CAPS2: variants seen among roughly 807,000 people sequenced by gnomAD.
CAPS2 encodes calcyphosin-2.
A neutral mutation model predicts 86.5 loss-of-function variants in CAPS2; 98 were observed. The observed-to-expected ratio is 1.13, with a 90% CI of 0.96 to 1.34. The LOEUF (loss-of-function observed/expected upper bound fraction) is 1.34. Among genes scored for constraint, CAPS2 ranks in the 40% most tolerant of loss-of-function variants. The probability of loss-of-function intolerance (pLI) is 0.00; values close to 1 mark genes in which losing one functional copy is unlikely to be tolerated. For synonymous variants in CAPS2, 210 were observed against 225.1 expected, an observed-to-expected ratio of 0.93 and a Z score of 0.60; for missense variants, 729 against 686.8, an observed-to-expected ratio of 1.06 and a Z score of -0.69.
At chr12:75,358,291 C>T (rs1407441574) in intron 1 of CAPS2, among the ~76,000 whole-genome samples, 1 of 151,650 alleles carries the variant, frequency 6.6e-6, no homozygotes, top group Non-Finnish European at 1.5e-5. Flanking sequence ...AAGTATAGAG[C>T]AATATCCCTC....
intron 1 of CAPS2, among the ~76,000 whole-genome samples, chr12:75,370,913 A>G (rs1349437189): frequency 6.6e-6 from 1 of 152,224 alleles, no homozygotes; most frequent in African/African-American, 2.4e-5. Context: ...AAAATCATCA[A>G]TGCTGAATTG....
chr12:75,333,562 G>A (rs950306331), upstream of CAPS2, among the ~76,000 whole-genome samples: 3 of 152,116 alleles, frequency 2.0e-5, no homozygotes, highest in Admixed American at 1.3e-4. Flanking sequence ...TCCATTAGCT[G>A]GTAGTAGACT....
At chr12:75,367,875 T>C (rs2139673721) in intron 1 of CAPS2, among the ~76,000 whole-genome samples, 1 of 152,290 alleles carries the variant, frequency 6.6e-6, no homozygotes, top group Middle Eastern at 3.4e-3. Flanking sequence ...CCTTCTATTA[T>C]TCTTAAATTT....
In CAPS2 at chr12:75,278,883, T is replaced by C. The variant is rs74646946; in HGVS notation, c.*7A>G. Reference sequence around the variant, plus strand: ...CTTAGTGTTGATGACATATGTATTATTAAAGACTAAATCCCCCATGGAGTA... The same window carrying C: ...CTTAGTGTTGATGACATATGTATTACTAAAGACTAAATCCCCCATGGAGTA... On this transcript the variant is annotated 3_prime_UTR_variant, in exon 17 of 17. Transcript: ENST00000393284. The C allele has an allele frequency of 3.3e-3, 5,056 of 1,544,962 alleles. 125 individuals carry two copies. The African/African-American group carries it at 0.058, about 18-fold the overall frequency.
At chr12:75,343,882 C>A in intron 1 of CAPS2, 2 of 1,611,732 alleles carry the variant, frequency 1.2e-6, no homozygotes. Context: ...TAATGAAACC[C>A]AATTTTATGA....
intron 1 of CAPS2, among the ~76,000 whole-genome samples, chr12:75,362,299 T>C (rs570041040): frequency 9.2e-5 from 14 of 152,190 alleles, no homozygotes; most frequent in Non-Finnish European, 1.9e-4. Flanking sequence ...CAAATTAAGG[T>C]CACAATAAAT....
chr12:75,362,000 A>T (rs989545688), intron 1 of CAPS2, among the ~76,000 whole-genome samples: 10 of 152,182 alleles, frequency 6.6e-5, no homozygotes, highest in Non-Finnish European at 4.4e-5. Flanking sequence ...TACCACATTA[A>T]AACAATGATA....
intron 5 of CAPS2, among the ~76,000 whole-genome samples, chr12:75,318,963 G>A (rs2040047603): frequency 6.6e-6 from 1 of 152,086 alleles, no homozygotes; most frequent in South Asian, 2.1e-4. Context: ...AAAACTAAAA[G>A]TTTTTTAGAG....
In CAPS2 at chr12:75,347,736, T is replaced by C. The variant is rs1445400819; in HGVS notation, c.-394-24514A>G. 8.6e-6 allele frequency: 13 copies of C among 1,515,828 alleles called. No individual in the cohort carries two copies. In the African/African-American group the frequency reaches 1.4e-4, roughly 16 times the overall value. The allele number at this position is 1,515,828 out of a possible 1,614,324, so 93.9% of individuals were successfully genotyped here. On this transcript the variant is annotated intron_variant, in intron 1 of 5. Transcript: ENST00000551829. ...CTACGGACCTGCGTGAGTTATTTTC[T>C]CTTAAAAATATTTTAATTGAAATTA...
intron 1 of CAPS2, chr12:75,344,005 C>A: frequency 7.5e-7 from 1 of 1,340,730 alleles, no homozygotes; most frequent in Non-Finnish European, 1.0e-6. Flanking sequence ...GAATTTATTT[C>A]TCTGTATGTA....
chr12:75,298,343 C>G (rs2138506392), intron 11 of CAPS2: 2 of 215,806 alleles, frequency 9.3e-6, no homozygotes, highest in Admixed American at 5.2e-5. Flanking sequence ...GGAGGATAAA[C>G]CTACTTTGGG....
chr12:75,343,095 T>G (rs1237508948), intron 1 of CAPS2, among the ~76,000 whole-genome samples: 1 of 152,010 alleles, frequency 6.6e-6, no homozygotes, highest in East Asian at 1.9e-4. Flanking sequence ...CCAATCCTTA[T>G]ACATTTTATA....
intron 1 of CAPS2, chr12:75,370,043 T>C (rs1284832412): frequency 4.5e-6 from 6 of 1,331,830 alleles, no homozygotes; most frequent in Non-Finnish European, 4.3e-6. Flanking sequence ...TGAAAATCAA[T>C]TGAACTCTTA....
At chr12:75,334,562 T>C (rs1168306556), upstream of CAPS2, 1 of 1,418,320 alleles carries the variant, frequency 7.1e-7, no homozygotes, top group African/African-American at 1.4e-5. Flanking sequence ...CTGCCTGTTC[T>C]TCCCCACAGC....
At chr12:75,299,809 T>C in intron 9 of CAPS2, 28 bp downstream of exon 9, 2 of 1,125,902 alleles carry the variant, frequency 1.8e-6, no homozygotes, top group Non-Finnish European at 2.6e-6. Context: ...AATCATAGGA[T>C]TAAAAATTTT....
exon 14 of CAPS2, chr12:75,289,637 A>G (rs746700405): frequency 5.3e-5 from 86 of 1,612,474 alleles, no homozygotes; most frequent in Non-Finnish European, 6.7e-5. Flanking sequence ...AGACACTTCT[A>G]AGTGAAACAC....
exon 4 of CAPS2, chr12:75,323,033 T>C (rs2040444181): frequency 6.4e-7 from 1 of 1,550,706 alleles, no homozygotes; most frequent in South Asian, 1.2e-5. Flanking sequence ...CAGCCAAGAG[T>C]AGAAGATGAA....
intron 14 of CAPS2, 58 bp from the exon 15 acceptor site, chr12:75,285,138 T>C: frequency 6.5e-7 from 1 of 1,538,606 alleles, no homozygotes; most frequent in Non-Finnish European, 8.8e-7. Context: ...CACAACAAAA[T>C]CATCTTAGTT....
In CAPS2 at chr12:75,389,926, T is replaced by C. The variant is rs139652137; in HGVS notation, c.-395+912A>G. ...CTTAAAACTTACTACTATGCAGTCA[T>C]AGTAGTAAGTATTCAAGGGCATAAA... On this transcript the variant is annotated intron_variant, in intron 1 of 5. Transcript: ENST00000551829. Among the ~76,000 whole-genome samples, 410 of 152,322 alleles carry C rather than the reference T, an allele frequency of 2.7e-3. 2 individuals carry two copies. Among genetic ancestry groups the C allele is most frequent in the African/African-American group, 9.5e-3 (393 of 41,580 alleles).
Sources: gnomAD v4.1 joint callset for allele counts (sites outside exome capture counted in the v4.1 genomes callset) on GRCh38, gnomAD v4.1.1 for gene constraint, MANE v1.5 for transcripts, NCBI Gene and HGNC (gene_info 2026-07-23, HGNC 2026-07-21) for gene names.